PPARGC1A: variants seen among roughly 807,000 people sequenced by gnomAD.
PPARGC1A encodes the protein peroxisome proliferator-activated receptor gamma coactivator 1-alpha.
In PPARGC1A, 25 loss-of-function variants were observed where a neutral mutation model predicts 88.7. That is an observed-to-expected ratio of 0.28 (90% CI 0.21 to 0.39). PPARGC1A has a LOEUF of 0.39. PPARGC1A is among the 10% of genes least tolerant of loss of function. PPARGC1A has a pLI of 1.00. For missense variants in PPARGC1A, 880 were observed against 968.7 expected, an observed-to-expected ratio of 0.91 and a Z score of 1.22; for synonymous variants, 363 against 355.6, an observed-to-expected ratio of 1.02 and a Z score of -0.24.
chr4:24,053,021 A>G, the PPARGC1A span, among the ~76,000 whole-genome samples: 368 of 146,702 alleles, frequency 2.5e-3, 2 homozygotes, highest in African/African-American at 9.0e-3. Flanking sequence ...CCGCCACCAC[A>G]CCCGGCTAAT....
the PPARGC1A span, among the ~76,000 whole-genome samples, chr4:23,921,979 A>G: frequency 1.3e-5 from 2 of 152,222 alleles, no homozygotes; most frequent in African/African-American, 4.8e-5. Context: ...TCATTCGTTC[A>G]TTCATTCCAC....
chr4:23,913,460 T>C, the PPARGC1A span, among the ~76,000 whole-genome samples: 2 of 151,806 alleles, frequency 1.3e-5, no homozygotes, highest in East Asian at 1.9e-4. Flanking sequence ...ACATAGTAAA[T>C]GAGCTTATGG....
chr4:24,001,189 A>G, the PPARGC1A span, among the ~76,000 whole-genome samples: 17 of 152,342 alleles, frequency 1.1e-4, no homozygotes, highest in South Asian at 3.5e-3. Flanking sequence ...TTACCTTACC[A>G]TGTTTGATAA....
chr4:24,142,687 T>C, the PPARGC1A span, among the ~76,000 whole-genome samples: 1 of 148,394 alleles, frequency 6.7e-6, no homozygotes, highest in African/African-American at 2.5e-5. Context: ...AAATAAAAAA[T>C]AAATAAAAAT....
chr4:24,248,198 CACTGCAA>C, the PPARGC1A span, among the ~76,000 whole-genome samples: 1 of 152,090 alleles, frequency 6.6e-6, no homozygotes, highest in Non-Finnish European at 1.5e-5. Flanking sequence ...TATCTCGGCT[CACTGCAA>C]GCTCCGCCTC....
chr4:24,008,713 AAAAC>A, the PPARGC1A span, among the ~76,000 whole-genome samples: 8 of 152,244 alleles, frequency 5.3e-5, no homozygotes, highest in African/African-American at 1.9e-4. Flanking sequence ...ATAAAAAAAA[AAAAC>A]AGTCTTTGAT....
the PPARGC1A span, among the ~76,000 whole-genome samples, chr4:24,244,814 G>A: frequency 1.1e-4 from 16 of 152,154 alleles, no homozygotes; most frequent in South Asian, 4.1e-4. Flanking sequence ...TAATAGAACC[G>A]TAGTCAAGAA....
At chr4:24,470,324 A>ACACACACACACTCT in the PPARGC1A span, among the ~76,000 whole-genome samples, 4 of 107,780 alleles carry the variant, frequency 3.7e-5, no homozygotes, top group African/African-American at 1.4e-4. This position sits in a 1 kb window ranked among gnomAD's most constrained non-coding sequence, Gnocchi z 5.8. Flanking sequence ...ACACACACAC[A>ACACACACACACTCT]CTCTCTCACA....
chr4:23,848,947 T>C (rs1211048101), intron 2 of PPARGC1A, among the ~76,000 whole-genome samples: 1 of 151,940 alleles, frequency 6.6e-6, no homozygotes, highest in Non-Finnish European at 1.5e-5. Flanking sequence ...ATCAAGACCA[T>C]CCTGGCTAAC....
chr4:24,106,756 T>C, the PPARGC1A span, among the ~76,000 whole-genome samples: 1 of 152,344 alleles, frequency 6.6e-6, no homozygotes, highest in African/African-American at 2.4e-5. Flanking sequence ...CTTGCTTCGG[T>C]CAATAGTCTT....
chr4:24,012,564 A>G, the PPARGC1A span, among the ~76,000 whole-genome samples: 16 of 152,102 alleles, frequency 1.1e-4, no homozygotes, highest in Admixed American at 1.0e-3. Context: ...GCCCTGCTTC[A>G]TAACACTTTC....
At chr4:24,209,120 A>G in the PPARGC1A span, among the ~76,000 whole-genome samples, 1 of 152,192 alleles carries the variant, frequency 6.6e-6, no homozygotes, top group African/African-American at 2.4e-5. Flanking sequence ...TGTGATATGC[A>G]TGGGGACAGG....
At chr4:24,177,564 T>C in the PPARGC1A span, among the ~76,000 whole-genome samples, 1 of 151,284 alleles carries the variant, frequency 6.6e-6, no homozygotes, top group Non-Finnish European at 1.5e-5. Flanking sequence ...CATGTATACA[T>C]ATGTAGTAAC....
intron 2 of PPARGC1A, among the ~76,000 whole-genome samples, chr4:23,875,353 C>T (rs1472249767): frequency 6.6e-6 from 1 of 152,052 alleles, no homozygotes; most frequent in African/African-American, 2.4e-5. Flanking sequence ...AAGTCAGTGA[C>T]TGGAATCCTG....
At chr4:24,415,400 T>C in the PPARGC1A span, among the ~76,000 whole-genome samples, 4 of 152,180 alleles carry the variant, frequency 2.6e-5, no homozygotes, top group Middle Eastern at 3.2e-3. Context: ...AGTAACATAG[T>C]AGGCAACCTT....
At chr4:24,268,410 G>A in the PPARGC1A span, among the ~76,000 whole-genome samples, 6 of 152,134 alleles carry the variant, frequency 3.9e-5, no homozygotes, top group East Asian at 1.9e-4. Flanking sequence ...GCAAATGCAT[G>A]TTGCTGGTCC....
chr4:23,979,006 GA>G, the PPARGC1A span, among the ~76,000 whole-genome samples: 1 of 152,132 alleles, frequency 6.6e-6, no homozygotes, highest in Non-Finnish European at 1.5e-5. Flanking sequence ...GACAGGGGAA[GA>G]AAGTAAAGAA....
the PPARGC1A span, among the ~76,000 whole-genome samples, chr4:23,909,218 C>T: frequency 1.3e-5 from 2 of 152,116 alleles, no homozygotes; most frequent in African/African-American, 2.4e-5. Flanking sequence ...AAACTAGACT[C>T]ATTACTAAAT....
chr4:24,134,797 G>C, the PPARGC1A span, among the ~76,000 whole-genome samples: 1 of 152,150 alleles, frequency 6.6e-6, no homozygotes, highest in African/African-American at 2.4e-5. Context: ...ACATGAAGTT[G>C]AATTTTTGCT....
Sources: allele counts gnomAD v4.1 joint callset (sites outside exome capture counted in the v4.1 genomes callset), GRCh38; gene constraint gnomAD v4.1.1; non-coding constraint Gnocchi (gnomAD v3.1); transcripts MANE v1.5; gene names NCBI Gene and HGNC (gene_info 2026-07-23, HGNC 2026-07-21).